Variants in CFAP299 observed in about 807,000 individuals in gnomAD.
CFAP299 encodes the protein cilia- and flagella-associated protein 299.
CFAP299 carries 21 observed loss-of-function variants against 27.0 expected under a neutral mutation model. That is an observed-to-expected ratio of 0.78 (90% CI 0.55 to 1.12). CFAP299 has a LOEUF of 1.12. Ranked by LOEUF, CFAP299 falls within the 50% of genes most tolerant of loss-of-function variation. CFAP299 has a pLI of 0.00. For missense variants in CFAP299, 310 were observed against 276.6 expected, an observed-to-expected ratio of 1.12 and a Z score of -0.86; for synonymous variants, 104 against 98.1, an observed-to-expected ratio of 1.06 and a Z score of -0.36.
At chr4:80,693,632 G>A (rs576263745) in intron 3 of CFAP299, among the ~76,000 whole-genome samples, 7 of 151,444 alleles carry the variant, frequency 4.6e-5, no homozygotes, top group African/African-American at 1.7e-4. Context: ...CATGGCACAT[G>A]TATACATATG....
intron 2 of CFAP299, among the ~76,000 whole-genome samples, chr4:80,369,311 A>G (rs974174547): frequency 6.6e-6 from 1 of 152,170 alleles, no homozygotes; most frequent in Admixed American, 6.5e-5. Context: ...GCCTCTCTTC[A>G]TGAGAGGAAA....
At chr4:80,915,057 C>T (rs772217689) in intron 4 of CFAP299, among the ~76,000 whole-genome samples, 7 of 151,468 alleles carry the variant, frequency 4.6e-5, no homozygotes, top group African/African-American at 1.7e-4. Flanking sequence ...TTTTTGCTAC[C>T]GTTTTCCCCT....
At chr4:80,479,443 T>C (rs1730445995) in intron 2 of CFAP299, among the ~76,000 whole-genome samples, 1 of 151,986 alleles carries the variant, frequency 6.6e-6, no homozygotes, top group Non-Finnish European at 1.5e-5. Flanking sequence ...AAATGATGGT[T>C]AAAGACAATC....
At chr4:80,406,375 T>A (rs1726419168) in intron 2 of CFAP299, among the ~76,000 whole-genome samples, 1 of 152,152 alleles carries the variant, frequency 6.6e-6, no homozygotes, top group Admixed American at 6.6e-5. Flanking sequence ...AAGTGTAATT[T>A]TTATTTTTTG....
At chr4:80,397,113 G>A (rs1725845031) in intron 2 of CFAP299, among the ~76,000 whole-genome samples, 1 of 152,054 alleles carries the variant, frequency 6.6e-6, no homozygotes, top group Non-Finnish European at 1.5e-5. Context: ...TCTTGGGAGG[G>A]TGTATGTGTC....
At chr4:80,504,492 T>TATATAC (rs1731907573) in intron 2 of CFAP299, among the ~76,000 whole-genome samples, 1 of 130,832 alleles carries the variant, frequency 7.6e-6, no homozygotes, top group South Asian at 2.4e-4. Flanking sequence ...TATATATATA[T>TATATAC]ATATATATAT....
Position 80,628,477 on chromosome 4 carries a change from A to C in CFAP299, c.333+45294A>C, listed in dbSNP as rs1019247362. Among the ~76,000 whole-genome samples, 18 of 152,260 alleles carry C rather than the reference A, an allele frequency of 1.2e-4. No homozygotes were observed. In the East Asian group the frequency reaches 3.5e-3, roughly 29 times the overall value. On this transcript the variant is annotated intron_variant, in intron 3 of 5. Coordinates refer to ENST00000358105, the MANE Select transcript of CFAP299 (RefSeq NM_152770.3). ...ACAGGCAACAAAAGCAAAAATTGAC[A>C]AATAAGATTGCATCAAACTCAAAAG...
At chr4:80,497,958 A>G (rs941294075) in intron 2 of CFAP299, among the ~76,000 whole-genome samples, 5 of 152,138 alleles carry the variant, frequency 3.3e-5, no homozygotes, top group African/African-American at 1.2e-4. Flanking sequence ...AAAGCCATAC[A>G]CCTATAACCA....
chr4:80,914,077 T>A (rs1453451319), intron 4 of CFAP299, among the ~76,000 whole-genome samples: 3 of 152,192 alleles, frequency 2.0e-5, no homozygotes, highest in Non-Finnish European at 2.9e-5. Context: ...TATGCCACGA[T>A]TTGTTCATTC....
chr4:80,709,904 A>G (rs1722042509), intron 3 of CFAP299, among the ~76,000 whole-genome samples: 1 of 152,202 alleles, frequency 6.6e-6, no homozygotes, highest in Non-Finnish European at 1.5e-5. Flanking sequence ...AAAAAGTAAT[A>G]TGAATTTCAA....
intron 2 of CFAP299, chr4:80,386,934 T>C (rs1725042431): frequency 2.3e-6 from 2 of 860,470 alleles, no homozygotes; most frequent in African/African-American, 1.6e-5. Flanking sequence ...AGCGCGCAGT[T>C]TGAGGTAATG....
chr4:80,704,589 A>G (rs1330262114), intron 3 of CFAP299, among the ~76,000 whole-genome samples: 2 of 151,880 alleles, frequency 1.3e-5, no homozygotes, highest in African/African-American at 4.8e-5. Context: ...TATAATAGAT[A>G]TAGCAGATAA....
At chr4:80,540,391 G>C (rs541348726) in intron 2 of CFAP299, among the ~76,000 whole-genome samples, 1 of 152,294 alleles carries the variant, frequency 6.6e-6, no homozygotes, top group East Asian at 1.9e-4. Flanking sequence ...ATGAAGTAAA[G>C]AAATTGTAAG....
chr4:80,558,177 TTCTC>T (rs561192885), intron 2 of CFAP299, among the ~76,000 whole-genome samples: 1 of 151,236 alleles, frequency 6.6e-6, no homozygotes, highest in Non-Finnish European at 1.5e-5. Flanking sequence ...ATGTCACAGT[TTCTC>T]TCTGTTTCCT....
intron 2 of CFAP299, among the ~76,000 whole-genome samples, chr4:80,382,445 C>G (rs1724750179): frequency 6.6e-6 from 1 of 152,064 alleles, no homozygotes; most frequent in African/African-American, 2.4e-5. Context: ...ATGCATCTGA[C>G]AAAGGTCTAC....
At chr4:80,909,022 G>A (rs938536312) in intron 4 of CFAP299, among the ~76,000 whole-genome samples, 1 of 152,118 alleles carries the variant, frequency 6.6e-6, no homozygotes, top group Non-Finnish European at 1.5e-5. Flanking sequence ...CCTGTGGAAA[G>A]TCTCTAGCAT....
Position 80,631,016 on chromosome 4 carries a change from G to A in CFAP299, c.333+47833G>A, listed in dbSNP as rs146268141. Among the ~76,000 whole-genome samples the A allele has an allele frequency of 1.6e-3, 241 of 152,092 alleles. 3 individuals are homozygous for A. Among genetic ancestry groups the A allele is most frequent in the Non-Finnish European group, 1.5e-3 (100 of 67,876 alleles). On this transcript the variant is annotated intron_variant, in intron 3 of 5. Coordinates refer to ENST00000358105, the MANE Select transcript of CFAP299 (RefSeq NM_152770.3). ...AAGCATAAAAGAGGTACAATCAATTGCAGGGCTATGCATAAAATATAGTTG... is the reference window on the plus strand; with the variant it reads ...AAGCATAAAAGAGGTACAATCAATTACAGGGCTATGCATAAAATATAGTTG...
intron 2 of CFAP299, among the ~76,000 whole-genome samples, chr4:80,401,675 G>A (rs752662688): frequency 1.7e-4 from 26 of 152,238 alleles, no homozygotes; most frequent in Non-Finnish European, 3.4e-4. Context: ...GAAGGGAAAT[G>A]TGGGGTCAGA....
intron 2 of CFAP299, among the ~76,000 whole-genome samples, chr4:80,449,452 G>T (rs1728793794): frequency 1.3e-5 from 2 of 151,452 alleles, no homozygotes; most frequent in African/African-American, 4.8e-5. Flanking sequence ...TTAACAATTA[G>T]TCAAGTCTGA....
Sources: gnomAD v4.1 joint callset for allele counts (sites outside exome capture counted in the v4.1 genomes callset) on GRCh38, gnomAD v4.1.1 for gene constraint, MANE v1.5 for transcripts, NCBI Gene and HGNC (gene_info 2026-07-23, HGNC 2026-07-21) for gene names.